TCERG1L: variants seen among roughly 807,000 people sequenced by gnomAD.
TCERG1L encodes transcription elongation regulator 1-like protein.
A neutral mutation model predicts 56.3 loss-of-function variants in TCERG1L; 37 were observed. The ratio of observed to expected loss-of-function variants is 0.66; its 90% CI spans 0.51 to 0.87. TCERG1L has a LOEUF of 0.87. Ranked by LOEUF, TCERG1L falls within the 40% of genes least tolerant of loss-of-function variation. The probability of loss-of-function intolerance (pLI) is 0.00; values close to 1 mark genes in which losing one functional copy is unlikely to be tolerated. For synonymous variants in TCERG1L, 324 were observed against 326.3 expected (o/e 0.99, Z 0.08); for missense variants, 799 against 774.2 (o/e 1.03, Z -0.38).
At chr10:131,097,330 C>G (rs61862964) in intron 11 of TCERG1L, among the ~76,000 whole-genome samples, 1,767 of 151,732 alleles carry the variant, frequency 0.012, 17 homozygotes, top group Non-Finnish European at 0.019. Flanking sequence ...AAAAGTAGTA[C>G]ATGTTCATTA....
intron 4 of TCERG1L, among the ~76,000 whole-genome samples, chr10:131,205,894 G>T (rs1380532126): frequency 6.6e-6 from 1 of 152,246 alleles, no homozygotes; most frequent in African/African-American, 2.4e-5. Context: ...GAGGGCCGAG[G>T]TGGTGACTGC....
At chr10:131,250,981 C>T (rs1419467465) in intron 4 of TCERG1L, among the ~76,000 whole-genome samples, 1 of 152,168 alleles carries the variant, frequency 6.6e-6, no homozygotes, top group East Asian at 1.9e-4. Context: ...CGCTTCCCAC[C>T]TGTGCTTCTA....
At chr10:131,202,605 A>C (rs1201412083) in intron 4 of TCERG1L, among the ~76,000 whole-genome samples, 3 of 152,166 alleles carry the variant, frequency 2.0e-5, no homozygotes, top group Non-Finnish European at 4.4e-5. Flanking sequence ...AATAAAAAAC[A>C]GATTTTTTCA....
chr10:131,133,328 A>C (rs1845638609), intron 8 of TCERG1L, among the ~76,000 whole-genome samples: 1 of 152,202 alleles, frequency 6.6e-6, no homozygotes, highest in South Asian at 2.1e-4. Context: ...TTTTTATTGC[A>C]AAAGTACATT....
intron 7 of TCERG1L, among the ~76,000 whole-genome samples, chr10:131,138,103 T>C (rs1242842841): frequency 6.6e-6 from 1 of 152,144 alleles, no homozygotes; most frequent in Non-Finnish European, 1.5e-5. Flanking sequence ...ACCCCGTCTC[T>C]ACCAAAAATA....
At chr10:131,221,651 C>A (rs2164945) in intron 4 of TCERG1L, among the ~76,000 whole-genome samples, 3 of 152,304 alleles carry the variant, frequency 2.0e-5, no homozygotes, top group African/African-American at 4.8e-5. Flanking sequence ...ACACGGATCC[C>A]GGCTCCTCTC....
chr10:131,186,037 G>A (rs1040904480), intron 4 of TCERG1L, among the ~76,000 whole-genome samples: 14 of 152,214 alleles, frequency 9.2e-5, no homozygotes, highest in Admixed American at 6.5e-4. Flanking sequence ...TGAAAGGGAC[G>A]AACTGCTGAT....
intron 4 of TCERG1L, among the ~76,000 whole-genome samples, chr10:131,230,315 T>C (rs935742200): frequency 2.0e-5 from 3 of 152,246 alleles, no homozygotes; most frequent in African/African-American, 7.2e-5. Flanking sequence ...CAGCGCGTGC[T>C]GCTGTGGTGG....
chr10:131,302,094 C>T (rs745591779), intron 3 of TCERG1L, among the ~76,000 whole-genome samples: 3 of 152,036 alleles, frequency 2.0e-5, no homozygotes, highest in Non-Finnish European at 1.5e-5. Context: ...CATACTAATG[C>T]ATTTGTATGA....
chr10:131,304,485 G>A (rs1464001759), intron 3 of TCERG1L, among the ~76,000 whole-genome samples: 1 of 151,830 alleles, frequency 6.6e-6, no homozygotes, highest in Non-Finnish European at 1.5e-5. Flanking sequence ...GGAGTGGGGA[G>A]GTGTTGACAG....
rs138478954 is a variant in TCERG1L, at chr10:131,258,645, T to C, written c.856+1614A>G. 7.2e-4 allele frequency among the ~76,000 whole-genome samples: 110 copies of C among 152,360 alleles called. No individual in the cohort carries two copies. In the East Asian group the frequency reaches 0.019, roughly 26 times the overall value. On this transcript the variant is annotated intron_variant, in intron 4 of 11. Transcript: ENST00000368642. ...GCAATGGGAAGGCAATTTTAGGAGC[T>C]ACCTTCTGAGTAACGCCCCTTTCAT...
intron 4 of TCERG1L, among the ~76,000 whole-genome samples, chr10:131,226,424 A>G (rs1257496678): frequency 6.6e-6 from 1 of 152,196 alleles, no homozygotes; most frequent in Non-Finnish European, 1.5e-5. Flanking sequence ...TTTCTCACTC[A>G]GCGGAGCTCT....
intron 7 of TCERG1L, among the ~76,000 whole-genome samples, chr10:131,138,627 A>G (rs1845699991): frequency 6.6e-6 from 1 of 152,238 alleles, no homozygotes; most frequent in Non-Finnish European, 1.5e-5. Context: ...AATTAATGCA[A>G]ACGGAGTTAA....
intron 4 of TCERG1L, among the ~76,000 whole-genome samples, chr10:131,231,400 G>C (rs1845850308): frequency 6.6e-6 from 1 of 152,176 alleles, no homozygotes; most frequent in South Asian, 2.1e-4. Context: ...GGCCCCTCCA[G>C]AGGCGAAGGT....
chr10:131,250,801 T>C (rs1846101904), intron 4 of TCERG1L, among the ~76,000 whole-genome samples: 1 of 152,190 alleles, frequency 6.6e-6, no homozygotes, highest in Non-Finnish European at 1.5e-5. Context: ...TCATAAACAC[T>C]GACTAAACTT....
chr10:131,217,793 C>T (rs1340767782), intron 4 of TCERG1L, among the ~76,000 whole-genome samples: 1 of 142,532 alleles, frequency 7.0e-6, no homozygotes, highest in East Asian at 2.2e-4. Flanking sequence ...ACAATCTCGG[C>T]TCACTGCAAG....
At chr10:131,205,152 T>C (rs569565031) in intron 4 of TCERG1L, among the ~76,000 whole-genome samples, 1 of 152,192 alleles carries the variant, frequency 6.6e-6, no homozygotes, top group South Asian at 2.1e-4. Flanking sequence ...GACTGACAAG[T>C]GGTCCCCTTA....
chr10:131,210,445 G>T (rs1002890242), intron 4 of TCERG1L, among the ~76,000 whole-genome samples: 13 of 152,198 alleles, frequency 8.5e-5, no homozygotes, highest in African/African-American at 2.9e-4. Flanking sequence ...ACTCTCCAAA[G>T]ACCCTCTGGC....
chr10:131,194,995 C>T (rs1845342582), intron 4 of TCERG1L, among the ~76,000 whole-genome samples: 1 of 152,206 alleles, frequency 6.6e-6, no homozygotes, highest in African/African-American at 2.4e-5. Flanking sequence ...AAAGTTTTCA[C>T]TGTTCCATTT....
Sources: allele counts gnomAD v4.1 joint callset (sites outside exome capture counted in the v4.1 genomes callset), GRCh38; gene constraint gnomAD v4.1.1; transcripts MANE v1.5; gene names NCBI Gene and HGNC (gene_info 2026-07-23, HGNC 2026-07-21).